FOCAD: variants seen among roughly 807,000 people sequenced by gnomAD.
The protein encoded by FOCAD is KIAA1797.
A neutral mutation model predicts 225.6 loss-of-function variants in FOCAD; 198 were observed. That is an observed-to-expected ratio of 0.88 (90% CI 0.78 to 0.99). FOCAD has a LOEUF of 0.99. Among genes scored for constraint, FOCAD ranks in the 50% least tolerant of loss-of-function variants. The pLI, the probability that FOCAD is intolerant of heterozygous loss-of-function variation, is 0.00. For missense variants in FOCAD, 2,713 were observed against 2,123.6 expected (o/e 1.28, Z -5.46); for synonymous variants, 897 against 755.0 (o/e 1.19, Z -3.08).
chr9:20,861,982 T>C (rs1587431239), intron 15 of FOCAD, among the ~76,000 whole-genome samples: 2 of 152,138 alleles, frequency 1.3e-5, no homozygotes, highest in African/African-American at 2.4e-5. Flanking sequence ...TGCTGGGCTT[T>C]AGATTTATTT....
intron 1 of FOCAD, among the ~76,000 whole-genome samples, chr9:20,686,456 G>A (rs1822673782): frequency 6.6e-6 from 1 of 152,220 alleles, no homozygotes; most frequent in Admixed American, 6.5e-5. Flanking sequence ...AAGATTGCAA[G>A]GTTAATGGGG....
intron 39 of FOCAD, among the ~76,000 whole-genome samples, chr9:20,985,308 T>C (rs993013914): frequency 2.6e-5 from 4 of 152,226 alleles, no homozygotes; most frequent in African/African-American, 4.8e-5. Flanking sequence ...GTTGACAATA[T>C]AAAATAATCG....
At position 20,868,811 on chromosome 9, in the gene FOCAD, G is replaced by A. The variant is rs776268021; in HGVS notation, c.2190+1799G>A. Among the ~76,000 whole-genome samples the A allele has an allele frequency of 2.7e-4, 41 of 152,148 alleles. 1 individual carries two copies. Among genetic ancestry groups the A allele is most frequent in the Middle Eastern group, 3.4e-3 (1 of 294 alleles). On this transcript the variant is annotated intron_variant, in intron 18 of 43. Transcript: ENST00000338382. ...TTCTGAACTGAGGTTGAGATGAGGG[G>A]TGTAAGTGGTTTGAAAGAGTCTTCC...
intron 28 of FOCAD, among the ~76,000 whole-genome samples, chr9:20,938,553 G>A (rs924556466): frequency 5.4e-5 from 8 of 147,126 alleles, no homozygotes; most frequent in African/African-American, 1.2e-4. Context: ...CACAGGAAGC[G>A]GAACATCACA....
At chr9:20,938,010 C>G (rs894810676) in intron 28 of FOCAD, among the ~76,000 whole-genome samples, 1 of 151,884 alleles carries the variant, frequency 6.6e-6, no homozygotes, top group Non-Finnish European at 1.5e-5. Context: ...CAGAGAAATG[C>G]AAATCAAAAC....
chr9:20,973,501 ACT>A (rs1564226248), intron 35 of FOCAD, among the ~76,000 whole-genome samples: 2 of 113,344 alleles, frequency 1.8e-5, no homozygotes, highest in Non-Finnish European at 3.5e-5. Context: ...ACTTTTGCTG[ACT>A]CTGCCCTACT....
At chr9:20,751,327 C>T (rs532182622) in intron 5 of FOCAD, among the ~76,000 whole-genome samples, 1 of 119,888 alleles carries the variant, frequency 8.3e-6, no homozygotes, top group Non-Finnish European at 1.7e-5. Context: ...CACCCCACAA[C>T]AGTCCCCAGA....
At chr9:20,664,631 T>G (rs148401997) in intron 2 of FOCAD, among the ~76,000 whole-genome samples, 3 of 149,188 alleles carry the variant, frequency 2.0e-5, no homozygotes, top group African/African-American at 7.6e-5. Context: ...TCTTTTCTTT[T>G]CTTTCCTTTC....
chr9:20,772,252 T>G (rs1171833061), intron 8 of FOCAD, among the ~76,000 whole-genome samples: 2 of 152,208 alleles, frequency 1.3e-5, no homozygotes, highest in Non-Finnish European at 2.9e-5. Flanking sequence ...TAATTAGATT[T>G]CAGATATGCT....
chr9:20,957,315 T>G (rs1441858485), intron 35 of FOCAD, among the ~76,000 whole-genome samples: 2 of 152,122 alleles, frequency 1.3e-5, no homozygotes, highest in Non-Finnish European at 2.9e-5. Flanking sequence ...TGACTTAGCC[T>G]CTTTAATTGT....
chr9:20,689,172 C>T (rs1163466390), intron 1 of FOCAD, among the ~76,000 whole-genome samples: 2 of 152,136 alleles, frequency 1.3e-5, no homozygotes, highest in African/African-American at 4.8e-5. Context: ...TAGAAATCCT[C>T]TGGTCAGAGT....
At chr9:20,740,982 G>C (rs1268148950) in intron 5 of FOCAD, among the ~76,000 whole-genome samples, 1 of 152,146 alleles carries the variant, frequency 6.6e-6, no homozygotes, top group Non-Finnish European at 1.5e-5. Flanking sequence ...TCTCTTAAGA[G>C]AGGGGCTCTG....
intron 35 of FOCAD, among the ~76,000 whole-genome samples, chr9:20,968,845 G>A (rs147679008): frequency 1.3e-4 from 20 of 152,196 alleles, no homozygotes; most frequent in Middle Eastern, 3.4e-3. Flanking sequence ...GAGGCATAAA[G>A]TTAGGGATAT....
chr9:20,955,465 G>T (rs539447564), intron 35 of FOCAD, among the ~76,000 whole-genome samples: 3 of 151,206 alleles, frequency 2.0e-5, no homozygotes, highest in Non-Finnish European at 2.9e-5. Context: ...ATACTAAATA[G>T]ATGAGATTCC....
intron 15 of FOCAD, among the ~76,000 whole-genome samples, chr9:20,831,026 G>A (rs563023856): frequency 6.6e-6 from 1 of 151,898 alleles, no homozygotes; most frequent in African/African-American, 2.4e-5. Flanking sequence ...TATTGACTAG[G>A]GATCTTATTT....
intron 4 of FOCAD, among the ~76,000 whole-genome samples, chr9:20,732,293 A>T (rs1222830086): frequency 4.6e-5 from 7 of 152,240 alleles, no homozygotes; most frequent in Non-Finnish European, 1.0e-4. Flanking sequence ...TGACTTAGTC[A>T]TGGTGGTAAA....
At chr9:20,840,431 C>CATTTT (rs71334558) in intron 15 of FOCAD, among the ~76,000 whole-genome samples, 71,033 of 147,966 alleles carry the variant, frequency 0.48, 17,296 homozygotes, top group Non-Finnish European at 0.51. Flanking sequence ...AGAGGTATAT[C>CATTTT]ATTTTATTTT....
At chr9:20,844,697 G>C (rs1826904452) in intron 15 of FOCAD, among the ~76,000 whole-genome samples, 1 of 151,950 alleles carries the variant, frequency 6.6e-6, no homozygotes, top group African/African-American at 2.4e-5. Flanking sequence ...CCTATTTGCA[G>C]TTGTGATGAA....
chr9:20,690,485 C>T (rs1822907700), intron 1 of FOCAD, among the ~76,000 whole-genome samples: 1 of 152,160 alleles, frequency 6.6e-6, no homozygotes, highest in Non-Finnish European at 1.5e-5. Context: ...CTTTCTCCCT[C>T]ACCTCTATCA....
Sources: allele counts gnomAD v4.1 joint callset (sites outside exome capture counted in the v4.1 genomes callset), GRCh38; gene constraint gnomAD v4.1.1; transcripts MANE v1.5; gene names NCBI Gene and HGNC (gene_info 2026-07-23, HGNC 2026-07-21).